DISP1: variants seen among roughly 807,000 people sequenced by gnomAD.
DISP1 encodes dispatched RND transporter family member 1.
In DISP1, 30 loss-of-function variants were observed where a neutral mutation model predicts 37.3. The observed-to-expected ratio is 0.80, with a 90% CI of 0.60 to 1.09. DISP1 has a LOEUF of 1.09. DISP1 is among the 50% of genes least tolerant of loss of function. The pLI, the probability that DISP1 is intolerant of heterozygous loss-of-function variation, is 0.00. For synonymous variants in DISP1, 634 were observed against 690.2 expected (o/e 0.92, Z 1.28); for missense variants, 1,598 against 1,879.5 (o/e 0.85, Z 2.77).
chr1:222,817,688 A>G (rs1661593405), intron 1 of DISP1, among the ~76,000 whole-genome samples: 1 of 152,160 alleles, frequency 6.6e-6, no homozygotes, highest in Non-Finnish European at 1.5e-5. Context: ...TTTTAGTAAT[A>G]CTTTCTGTCC....
At chr1:222,977,864 C>T (rs921150264) in intron 3 of DISP1, among the ~76,000 whole-genome samples, 1 of 152,212 alleles carries the variant, frequency 6.6e-6, no homozygotes, top group Non-Finnish European at 1.5e-5. Flanking sequence ...AGGACATGAA[C>T]TCATCACTTT....
intron 2 of DISP1, among the ~76,000 whole-genome samples, chr1:222,936,581 T>A (rs1370442019): frequency 5.6e-5 from 1 of 17,768 alleles, no homozygotes; most frequent in African/African-American, 2.3e-4. Flanking sequence ...ATATATATCA[T>A]ATATATGAGA....
At chr1:222,938,794 A>C (rs919700090) in intron 2 of DISP1, among the ~76,000 whole-genome samples, 5 of 146,852 alleles carry the variant, frequency 3.4e-5, no homozygotes, top group Admixed American at 2.7e-4. Context: ...GACGGGATGA[A>C]GAGGGGGAAG....
chr1:222,937,344 C>G (rs944094727), intron 2 of DISP1, among the ~76,000 whole-genome samples: 3 of 151,960 alleles, frequency 2.0e-5, no homozygotes, highest in Admixed American at 6.6e-5. Context: ...CCCGCCTCAG[C>G]CTCCCAAAGT....
chr1:222,897,145 A>G (rs998970989), intron 1 of DISP1, among the ~76,000 whole-genome samples: 1 of 152,234 alleles, frequency 6.6e-6, no homozygotes, highest in Non-Finnish European at 1.5e-5. Flanking sequence ...ATAGTCATTC[A>G]GTGGCATACT....
intron 1 of DISP1, among the ~76,000 whole-genome samples, chr1:222,889,673 A>G (rs1468532561): frequency 6.6e-6 from 1 of 152,086 alleles, no homozygotes; most frequent in African/African-American, 2.4e-5. Context: ...AGGTTAAGAG[A>G]CATGGGATAA....
rs149927406 is a variant in DISP1 at position 223,005,364 on chromosome 1, G to A, written c.3967G>A (p.Glu1323Lys). Reference sequence around the variant, plus strand: ...TCTGAAGGCCACACACCAAGCTGTCGAGGGCTTTGTGCACCCCATCACGCA... The same window carrying A: ...TCTGAAGGCCACACACCAAGCTGTCAAGGGCTTTGTGCACCCCATCACGCA... The part of the protein sequence containing the change: ...APLKATHQAV[E>K]GFVHPITHIH... Residue 1323 changes from glutamate (E) to lysine (K), a missense_variant, in exon 9 of 9, where the codon GAG becomes AAG. Glu to Lys is a moderately conservative substitution (Grantham distance 56). Coordinates refer to ENST00000675850, the MANE Select transcript of DISP1 (RefSeq NM_001377229.1). 1,355 of 1,613,448 alleles carry A rather than the reference G, an allele frequency of 8.4e-4. 2 individuals are homozygous for A. The highest frequency in any genetic ancestry group is 1.1e-3 in the Non-Finnish European group (1,275 of 1,180,022).
At chr1:222,953,294 C>T (rs1675361284) in intron 3 of DISP1, among the ~76,000 whole-genome samples, 1 of 152,146 alleles carries the variant, frequency 6.6e-6, no homozygotes, top group African/African-American at 2.4e-5. Context: ...GTTCCTTTCA[C>T]TTTTCTTTTA....
chr1:222,992,309 A>T (rs1243547237), intron 7 of DISP1, among the ~76,000 whole-genome samples, 199 bp downstream of exon 7: 1 of 152,172 alleles, frequency 6.6e-6, no homozygotes, highest in Non-Finnish European at 1.5e-5. Context: ...AGTTTATTAT[A>T]TTATTAAAAT....
chr1:222,869,868 C>T (rs1669426210), intron 1 of DISP1, among the ~76,000 whole-genome samples: 1 of 151,808 alleles, frequency 6.6e-6, no homozygotes, highest in Non-Finnish European at 1.5e-5. Flanking sequence ...ATACATGTGA[C>T]GTGTTGGTGT....
intron 3 of DISP1, among the ~76,000 whole-genome samples, chr1:222,966,844 T>C (rs940800614): frequency 6.6e-6 from 1 of 151,230 alleles, no homozygotes; most frequent in African/African-American, 2.5e-5. Flanking sequence ...AAAAGAATGA[T>C]GTAAGGGATT....
At chr1:222,892,870 CT>C (rs1671015282) in intron 1 of DISP1, among the ~76,000 whole-genome samples, 1 of 152,192 alleles carries the variant, frequency 6.6e-6, no homozygotes. Flanking sequence ...ACACCAACAT[CT>C]ATGCAACATG....
intron 1 of DISP1, among the ~76,000 whole-genome samples, chr1:222,870,967 G>A (rs1669534196): frequency 6.6e-6 from 1 of 152,044 alleles, no homozygotes; most frequent in South Asian, 2.1e-4. Flanking sequence ...TAATTTTTGT[G>A]TAAAGTGTAA....
chr1:222,957,979 C>T (rs1558356577), intron 3 of DISP1, among the ~76,000 whole-genome samples: 2 of 152,182 alleles, frequency 1.3e-5, no homozygotes, highest in African/African-American at 4.8e-5. Flanking sequence ...AGACCATGTA[C>T]ATTATGCAGA....
intron 1 of DISP1, among the ~76,000 whole-genome samples, chr1:222,821,178 G>A (rs1662791214): frequency 1.3e-5 from 2 of 152,168 alleles, no homozygotes; most frequent in South Asian, 4.1e-4. Flanking sequence ...TCTTCAAACT[G>A]AAGTGATGTT....
intron 2 of DISP1, among the ~76,000 whole-genome samples, chr1:222,936,785 A>AAT (rs71178509): frequency 1.5e-5 from 1 of 67,040 alleles, no homozygotes; most frequent in Admixed American, 2.3e-4. Context: ...TATCATATAT[A>AAT]ATATATATAA....
In DISP1 at chr1:222,985,519, G is replaced by A. The variant is rs1558070449; in HGVS notation, c.539+2410G>A. On this transcript the variant is annotated intron_variant, in intron 4 of 8. Transcript: ENST00000675850. ...ACAAAAATTAGCTGGGCATGGTGGC[G>A]GGTGCCTGGAATCCCAGCTACTCAG... Among the ~76,000 whole-genome samples the A allele has an allele frequency of 2.6e-5, 4 of 152,130 alleles. No individual in the cohort carries two copies. The South Asian group carries it at 6.2e-4, about 24-fold the overall frequency.
At chr1:222,882,932 A>C (rs1670359642) in intron 1 of DISP1, among the ~76,000 whole-genome samples, 1 of 152,174 alleles carries the variant, frequency 6.6e-6, no homozygotes, top group Non-Finnish European at 1.5e-5. Flanking sequence ...TTCGGAGAGA[A>C]TCTTGAGATC....
At chr1:222,896,324 GGC>G (rs1422425435) in intron 1 of DISP1, among the ~76,000 whole-genome samples, 1 of 151,698 alleles carries the variant, frequency 6.6e-6, no homozygotes, top group African/African-American at 2.4e-5. Flanking sequence ...AAAGAGGCTG[GGC>G]GCGGTGGCTC....
Sources: allele counts gnomAD v4.1 joint callset (sites outside exome capture counted in the v4.1 genomes callset), GRCh38; gene constraint gnomAD v4.1.1; transcripts MANE v1.5; gene names NCBI Gene and HGNC (gene_info 2026-07-23, HGNC 2026-07-21).